Variants in UGGT2 observed in about 807,000 individuals in gnomAD.
The protein encoded by UGGT2 is UDP-glucose glycoprotein glucosyltransferase 2, also known as UDP-glucose:glycoprotein glucosyltransferase 2.
In UGGT2, 180 loss-of-function variants were observed where a neutral mutation model predicts 192.1. The ratio of observed to expected loss-of-function variants is 0.94; its 90% CI spans 0.83 to 1.06. The LOEUF (loss-of-function observed/expected upper bound fraction) is 1.06. Ranked by LOEUF, UGGT2 falls within the 50% of genes least tolerant of loss-of-function variation. The pLI, the probability that UGGT2 is intolerant of heterozygous loss-of-function variation, is 0.00. For synonymous variants in UGGT2, 580 were observed against 591.0 expected, an observed-to-expected ratio of 0.98 and a Z score of 0.27; for missense variants, 1,849 against 1,795.7, an observed-to-expected ratio of 1.03 and a Z score of -0.54.
chr13:95,895,141 A>G, intron 23 of UGGT2, 39 bp downstream of exon 23: 1 of 1,543,568 alleles, frequency 6.5e-7, no homozygotes. Context: ...TCAAAATACC[A>G]AACCCAAAAT....
intron 1 of UGGT2, among the ~76,000 whole-genome samples, chr13:96,050,805 G>T (rs1208871407): frequency 5.3e-5 from 8 of 152,188 alleles, no homozygotes; most frequent in South Asian, 2.1e-4. Flanking sequence ...CCAGTTAGAA[G>T]GGCGATCATT....
At chr13:95,922,006 C>T (rs1179960808) in intron 20 of UGGT2, among the ~76,000 whole-genome samples, 3 of 152,244 alleles carry the variant, frequency 2.0e-5, no homozygotes, top group African/African-American at 4.8e-5. Flanking sequence ...TTCACAATGG[C>T]AAAGACATGG....
chr13:95,832,835 T>C (rs1013979110), intron 38 of UGGT2, 92 bp downstream of exon 38: 156 of 1,540,160 alleles, frequency 1.0e-4, no homozygotes, highest in Non-Finnish European at 1.3e-4. Flanking sequence ...TCTTAATCAT[T>C]TTATAAATTC....
chr13:95,981,120 A>G (rs1219143844), intron 10 of UGGT2, among the ~76,000 whole-genome samples: 1 of 152,302 alleles, frequency 6.6e-6, no homozygotes, highest in East Asian at 1.9e-4. Flanking sequence ...TATCTCCTTA[A>G]GTAAAGCCAG....
intron 20 of UGGT2, among the ~76,000 whole-genome samples, chr13:95,911,263 C>T (rs1334920407): frequency 6.6e-6 from 1 of 152,022 alleles, no homozygotes; most frequent in Non-Finnish European, 1.5e-5. Flanking sequence ...GAGATAGAGA[C>T]ATAAAAAACC....
At chr13:95,905,912 T>A (rs1424736969) in intron 20 of UGGT2, among the ~76,000 whole-genome samples, 2 of 152,186 alleles carry the variant, frequency 1.3e-5, no homozygotes, top group Non-Finnish European at 2.9e-5. Flanking sequence ...GGGGGAAGTG[T>A]CAAAGATTAC....
At chr13:95,996,740 T>C (rs941873945) in intron 6 of UGGT2, among the ~76,000 whole-genome samples, 7 of 152,172 alleles carry the variant, frequency 4.6e-5, no homozygotes, top group African/African-American at 1.2e-4. Context: ...CTGTAACAAA[T>C]GCTGGGTTTA....
At chr13:95,853,094 C>T (rs1046626586) in intron 36 of UGGT2, among the ~76,000 whole-genome samples, 1 of 152,134 alleles carries the variant, frequency 6.6e-6, no homozygotes, top group East Asian at 1.9e-4. Flanking sequence ...GGGCTTCCCC[C>T]TTCACTGGGC....
chr13:95,891,853 A>T (rs978392615), intron 24 of UGGT2, among the ~76,000 whole-genome samples: 1 of 152,176 alleles, frequency 6.6e-6, no homozygotes, highest in Non-Finnish European at 1.5e-5. Flanking sequence ...AGCAATTTTT[A>T]AAAAGCTAAT....
intron 16 of UGGT2, among the ~76,000 whole-genome samples, 162 bp downstream of exon 16, chr13:95,939,795 C>G (rs973332039): frequency 4.6e-5 from 7 of 152,174 alleles, no homozygotes; most frequent in Non-Finnish European, 1.0e-4. Flanking sequence ...TATCCTTTGA[C>G]CAATATCTCC....
At chr13:95,891,507 A>G (rs978746030) in intron 24 of UGGT2, among the ~76,000 whole-genome samples, 1 of 152,134 alleles carries the variant, frequency 6.6e-6, no homozygotes, top group South Asian at 2.1e-4. Context: ...TCACCGATAA[A>G]AGTTCTAAAT....
At chr13:96,033,570 A>G (rs2052905932) in intron 1 of UGGT2, among the ~76,000 whole-genome samples, 1 of 152,014 alleles carries the variant, frequency 6.6e-6, no homozygotes, top group Non-Finnish European at 1.5e-5. Context: ...GCATCCCTGC[A>G]CTCTCAGGGG....
At chr13:95,842,894 T>G (rs1284593279) in intron 36 of UGGT2, among the ~76,000 whole-genome samples, 1 of 152,200 alleles carries the variant, frequency 6.6e-6, no homozygotes, top group Non-Finnish European at 1.5e-5. Context: ...ACACAATGAT[T>G]GCAGTCTTGA....
chr13:95,972,933 G>A (rs1367282501), intron 10 of UGGT2, among the ~76,000 whole-genome samples: 3 of 152,248 alleles, frequency 2.0e-5, no homozygotes, highest in Non-Finnish European at 4.4e-5. Context: ...AACTTTGGGA[G>A]GCCGAGGTGG....
At chr13:95,978,277 T>C (rs1297606676) in intron 10 of UGGT2, among the ~76,000 whole-genome samples, 1 of 152,192 alleles carries the variant, frequency 6.6e-6, no homozygotes, top group Non-Finnish European at 1.5e-5. Context: ...TGATTTGCAT[T>C]TCCCTGACGA....
In UGGT2 at chr13:95,801,655, C is replaced by A; in HGVS notation, c.*135G>T. ...ATTAAATAACTGTTTTAAATAATTA[C>A]AATTTTTTAAAATTAAAGAATATGT... On this transcript the variant is annotated 3_prime_UTR_variant, in exon 39 of 39. Coordinates refer to ENST00000376747, the MANE Select transcript of UGGT2 (RefSeq NM_020121.4). 1.2e-6 allele frequency: 1 copy of A among 800,386 alleles called. No individual in the cohort carries two copies. The highest frequency in any genetic ancestry group is 1.9e-6 in the Non-Finnish European group (1 of 519,818). The allele number at this position is 800,386 out of a possible 1,614,324, so 49.6% of individuals were successfully genotyped here. A position where few individuals can be genotyped will look rare whatever the true frequency, so the allele number is the denominator to read the frequency against.
intron 20 of UGGT2, among the ~76,000 whole-genome samples, chr13:95,907,384 G>A (rs1333652645): frequency 6.6e-6 from 1 of 152,214 alleles, no homozygotes; most frequent in Non-Finnish European, 1.5e-5. Flanking sequence ...GTCCTTGTCT[G>A]ACAGCTCTGA....
chr13:95,912,411 G>T, intron 20 of UGGT2, among the ~76,000 whole-genome samples: 1 of 152,138 alleles, frequency 6.6e-6, no homozygotes, highest in East Asian at 1.9e-4. Flanking sequence ...AAATCAATGT[G>T]CAAAAATCAC....
At position 95,948,072 on chromosome 13, in the gene UGGT2, TA is replaced by T; in HGVS notation, c.1464del (p.Phe488LeufsTer13). The T allele has an allele frequency of 6.2e-7, 1 of 1,612,334 alleles. No homozygotes were observed. The highest frequency in any genetic ancestry group is 8.5e-7 in the Non-Finnish European group (1 of 1,179,050). On this transcript the variant is annotated frameshift_variant, in exon 14 of 39. Transcript: ENST00000376747. LOFTEE classifies it high-confidence loss of function. ...AAGGTATATTCTTGGGCCGGATCAA[TA>T]AACAGAACCTAAAAGAAAGATAGTA... is the stretch of plus-strand genomic sequence containing the variant. ...IRRNFHNLVL[F>X]IDPAQEYTLD...
Sources: gnomAD v4.1 joint callset for allele counts (sites outside exome capture counted in the v4.1 genomes callset) on GRCh38, gnomAD v4.1.1 for gene constraint, MANE v1.5 for transcripts, NCBI Gene and HGNC (gene_info 2026-07-23, HGNC 2026-07-21) for gene names.